KNTC1: variants seen among roughly 807,000 people sequenced by gnomAD.
The protein encoded by KNTC1 is kinetochore associated 1, also known as kinetochore-associated protein 1.
KNTC1 carries 253 observed loss-of-function variants against 314.4 expected under a neutral mutation model. That is an observed-to-expected ratio of 0.80 (90% CI 0.73 to 0.89). KNTC1 has a LOEUF of 0.89. Ranked by LOEUF, KNTC1 falls within the 40% of genes least tolerant of loss-of-function variation. KNTC1 has a pLI of 0.00. For synonymous variants in KNTC1, 901 were observed against 901.4 expected (o/e 1.00, Z 0.01); for missense variants, 2,475 against 2,572.9 (o/e 0.96, Z 0.82).
At chr12:122,548,319 C>T (rs983958233) in intron 12 of KNTC1, among the ~76,000 whole-genome samples, 1 of 152,130 alleles carries the variant, frequency 6.6e-6, no homozygotes, top group African/African-American at 2.4e-5. Context: ...AAACGATTCT[C>T]CTGCCTCAGC....
At chr12:122,578,485 C>G (rs917698850) in intron 31 of KNTC1, among the ~76,000 whole-genome samples, 1 of 151,890 alleles carries the variant, frequency 6.6e-6, no homozygotes, top group Non-Finnish European at 1.5e-5. Flanking sequence ...CACAGTGGCG[C>G]GATCTTAACT....
rs1962388472 is a variant in KNTC1, at chr12:122,542,128, G to A, written c.523+1G>A. The A allele has an allele frequency of 6.2e-6, 9 of 1,458,008 alleles. No individual in the cohort carries two copies. The highest frequency in any genetic ancestry group is 8.5e-6 in the Non-Finnish European group (9 of 1,065,040). 90.3% of individuals were successfully genotyped at this position (1,458,008 alleles called of 1,614,324 possible). A position where few individuals can be genotyped will look rare whatever the true frequency, so the allele number is the denominator to read the frequency against. On this transcript the variant is annotated splice_donor_variant, in intron 6 of 63. Coordinates refer to ENST00000333479, the MANE Select transcript of KNTC1 (RefSeq NM_014708.6). LOFTEE classifies it high-confidence loss of function. ...CTTCAGCTTTTAAAAATTCAACAAG[G>A]TAAGTAATACATTATATTTTTATTA...
At chr12:122,602,372 A>T in intron 45 of KNTC1, 197 bp from the exon 46 acceptor site, 1 of 434,628 alleles carries the variant, frequency 2.3e-6, no homozygotes, top group Non-Finnish European at 4.0e-6. Flanking sequence ...TCCTCATAGG[A>T]TTCCTTTAAT....
intron 20 of KNTC1, among the ~76,000 whole-genome samples, chr12:122,565,254 A>T (rs34291536): frequency 0.24 from 33,163 of 139,326 alleles, 3,986 homozygotes; most frequent in East Asian, 0.43. Flanking sequence ...TTTTTTTTTA[A>T]AAAAAAAAAA....
chr12:122,528,698 G>A (rs1273288871), intron 1 of KNTC1, among the ~76,000 whole-genome samples: 1 of 152,176 alleles, frequency 6.6e-6, no homozygotes, highest in Non-Finnish European at 1.5e-5. Flanking sequence ...AAATGGCATA[G>A]TATTTGCATG....
chr12:122,535,546 G>GGTA (rs1318996344), intron 3 of KNTC1, among the ~76,000 whole-genome samples: 2 of 152,108 alleles, frequency 1.3e-5, no homozygotes, highest in Middle Eastern at 6.3e-3. Context: ...GGGAGGCTGA[G>GGTA]GTAGGAGAAT....
intron 45 of KNTC1, 80 bp from the exon 46 acceptor site, chr12:122,602,489 A>G (rs1872057093): frequency 1.2e-5 from 10 of 830,874 alleles, no homozygotes; most frequent in Non-Finnish European, 1.1e-5. Flanking sequence ...GAAACTTTTG[A>G]TGGTATACTA....
At chr12:122,610,623 T>C (rs1873011968) in intron 52 of KNTC1, among the ~76,000 whole-genome samples, 199 bp from the exon 53 acceptor site, 1 of 152,236 alleles carries the variant, frequency 6.6e-6, no homozygotes, top group African/African-American at 2.4e-5. Flanking sequence ...GTGTGTATTA[T>C]CATCTTTAGC....
chr12:122,618,301 A>T (rs939679000), intron 57 of KNTC1, 42 bp from the exon 58 acceptor site: 1 of 1,585,224 alleles, frequency 6.3e-7, no homozygotes, highest in African/African-American at 1.3e-5. Context: ...AGTTTGTAAT[A>T]TCCTTAACAT....
chr12:122,582,631 A>G, intron 33 of KNTC1, 74 bp from the exon 34 acceptor site: 1 of 1,359,362 alleles, frequency 7.4e-7, no homozygotes, highest in South Asian at 1.5e-5. Flanking sequence ...TGAAAAAAAA[A>G]ACTAATGAAA....
chr12:122,538,027 G>T (rs1403545581), intron 3 of KNTC1, among the ~76,000 whole-genome samples: 1 of 152,090 alleles, frequency 6.6e-6, no homozygotes, highest in East Asian at 1.9e-4. Context: ...CCAGCTACCT[G>T]GGAGGCTGAG....
rs770949346 is a variant in KNTC1 at position 122,579,885 on chromosome 12, CTTTA to C, written c.2842-8_2842-5del. 2.1e-5 allele frequency: 33 copies of C among 1,567,108 alleles called. No individual in the cohort carries two copies. Among genetic ancestry groups the C allele is most frequent in the South Asian group, 3.4e-5 (3 of 89,464 alleles). On this transcript the variant is annotated splice_polypyrimidine_tract_variant and intron_variant, in intron 31 of 63. Transcript: ENST00000333479. ...AGAAAAGGAAGTAGATTTTATTTCG[CTTTA>C]TTTATTTATTTTTAGGGCAAGGCCT...
In KNTC1 at chr12:122,573,208, A is replaced by G; in HGVS notation, c.2206A>G (p.Ile736Val). Residue 736 changes from isoleucine (I) to valine (V), a missense_variant, in exon 26 of 64, where the codon ATC becomes GTC. Ile to Val is a conservative substitution (Grantham distance 29, BLOSUM62 3). Coordinates refer to ENST00000333479, the MANE Select transcript of KNTC1 (RefSeq NM_014708.6). Reference protein sequence around the residue: ...KVLAPELIPSILEKFIRVYMR... With the variant: ...KVLAPELIPSVLEKFIRVYMR... ...GCTGGCCCCAGAGCTTATTCCCTCC[A>G]TCTTAGAGAAGTTTATAAGAGTTTA... 1 of 1,613,838 alleles carries G rather than the reference A, an allele frequency of 6.2e-7. No individual in the cohort carries two copies. Among genetic ancestry groups the G allele is most frequent in the Non-Finnish European group, 8.5e-7 (1 of 1,179,778 alleles).
intron 2 of KNTC1, among the ~76,000 whole-genome samples, chr12:122,532,450 A>G (rs773062423): frequency 6.0e-5 from 9 of 150,808 alleles, no homozygotes; most frequent in Non-Finnish European, 1.2e-4. Flanking sequence ...CTTGTGATCC[A>G]CCCACCTCGG....
intron 3 of KNTC1, among the ~76,000 whole-genome samples, chr12:122,535,913 G>C (rs1327725898): frequency 7.3e-6 from 1 of 137,172 alleles, no homozygotes; most frequent in Non-Finnish European, 1.6e-5. Flanking sequence ...TTTTTGAGAT[G>C]GAGTCTCTCT....
chr12:122,563,650 A>G (rs1964124403), intron 20 of KNTC1: 2 of 662,314 alleles, frequency 3.0e-6, no homozygotes, highest in Non-Finnish European at 4.2e-6. Context: ...GCAGATCTCC[A>G]TATGTGTAAG....
intron 62 of KNTC1, among the ~76,000 whole-genome samples, chr12:122,623,937 G>A (rs1301099734): frequency 2.6e-5 from 4 of 152,052 alleles, no homozygotes; most frequent in African/African-American, 9.6e-5. Flanking sequence ...GCATGGTGGC[G>A]CATGCCTGTA....
chr12:122,543,782 C>T, intron 7 of KNTC1, 148 bp downstream of exon 7: 1 of 607,204 alleles, frequency 1.6e-6, no homozygotes, highest in Non-Finnish European at 2.7e-6. Flanking sequence ...TTTAAAAATA[C>T]ATTTATGCCC....
At chr12:122,557,568 T>A (rs568337169) in intron 17 of KNTC1, 32 bp from the exon 18 acceptor site, 172 of 1,609,936 alleles carry the variant, frequency 1.1e-4, no homozygotes, top group Admixed American at 8.7e-4. Context: ...CAACATTAGG[T>A]TGCCTTACTG....
Sources: allele counts gnomAD v4.1 joint callset (sites outside exome capture counted in the v4.1 genomes callset), GRCh38; gene constraint gnomAD v4.1.1; transcripts MANE v1.5; gene names NCBI Gene and HGNC (gene_info 2026-07-23, HGNC 2026-07-21).